MYBPC2: variants seen among roughly 807,000 people sequenced by gnomAD.
The protein encoded by MYBPC2 is myosin binding protein C2, also known as myosin-binding protein C, fast-type.
A neutral mutation model predicts 137.0 loss-of-function variants in MYBPC2; 122 were observed. The ratio of observed to expected loss-of-function variants is 0.89; its 90% CI spans 0.77 to 1.03. The LOEUF is 1.03. Among genes scored for constraint, MYBPC2 ranks in the 50% least tolerant of loss-of-function variants. The pLI, the probability that MYBPC2 is intolerant of heterozygous loss-of-function variation, is 0.00. For missense variants in MYBPC2, 1,500 were observed against 1,534.4 expected, an observed-to-expected ratio of 0.98 and a Z score of 0.37; for synonymous variants, 626 against 612.3, an observed-to-expected ratio of 1.02 and a Z score of -0.33.
At chr19:50,459,829 A>G (rs1189676369) in intron 23 of MYBPC2, among the ~76,000 whole-genome samples, 1 of 136,736 alleles carries the variant, frequency 7.3e-6, no homozygotes, top group Non-Finnish European at 1.6e-5. Context: ...GTGGGGAGAC[A>G]TGGGGGTGAG....
rs780410925 is a variant in MYBPC2 at position 50,436,631 on chromosome 19, G to A, written c.360G>A (p.Glu120=). The change falls in exon 5 of 28, where the codon GAG becomes GAA. Residue 120 remains glutamate (E), a synonymous_variant. Coordinates refer to ENST00000357701, the MANE Select transcript of MYBPC2 (RefSeq NM_004533.4). ...HNSASNVYTV[E]LHIGKVVLGD... ...CCTGGACCCAGGTGTACACCGTGGA[G>A]CTGCACATTGGGAAGGTGGTACTGG... 21 of 1,613,950 alleles carry A rather than the reference G, an allele frequency of 1.3e-5. No individual in the cohort carries two copies. In the Admixed American group the frequency reaches 2.8e-4, roughly 22 times the overall value.
chr19:50,442,112 T>C, intron 8 of MYBPC2, 69 bp from the exon 9 acceptor site: 1 of 1,519,794 alleles, frequency 6.6e-7, no homozygotes, highest in South Asian at 1.3e-5. Flanking sequence ...GGAGATGTGG[T>C]GCCTCTGGGG....
chr19:50,460,170 A>G lies in MYBPC2; in HGVS notation c.2922A>G (p.Lys974=), dbSNP rs1348161170. The G allele has an allele frequency of 6.2e-7, 1 of 1,603,714 alleles. No homozygotes were observed. Among genetic ancestry groups the G allele is most frequent in the Admixed American group, 1.7e-5 (1 of 58,450 alleles). Residue 974 remains lysine (K), a synonymous_variant, in exon 24 of 28, where the codon AAA becomes AAG. Coordinates refer to ENST00000357701, the MANE Select transcript of MYBPC2 (RefSeq NM_004533.4). The part of the protein sequence containing the change: ...IMGYFVQKAD[K]KTMEWFNVYE... ...GGTATTTCGTCCAGAAAGCAGACAAAAAAACCATGGTGAGAGAGCAGAGGG... is the reference window on the plus strand; with the variant it reads ...GGTATTTCGTCCAGAAAGCAGACAAGAAAACCATGGTGAGAGAGCAGAGGG...
rs1408747231 is a variant in MYBPC2, at chr19:50,461,530, T to C, written c.2932-12T>C. Reference sequence around the variant, plus strand: ...CCCCGACCCGCCTGGTCCCTCCCTGTCCCCACACTAGGAGTGGTTCAACGT... The same window carrying C: ...CCCCGACCCGCCTGGTCCCTCCCTGCCCCCACACTAGGAGTGGTTCAACGT... On this transcript the variant is annotated splice_polypyrimidine_tract_variant and intron_variant, in intron 24 of 27. Transcript: ENST00000357701. The C allele has an allele frequency of 6.2e-7, 1 of 1,612,248 alleles. No homozygotes were observed. The highest frequency in any genetic ancestry group is 1.7e-5 in the Admixed American group (1 of 59,840).
At chr19:50,464,093 G>A (rs1010380229) in intron 26 of MYBPC2, 3 of 407,480 alleles carry the variant, frequency 7.4e-6, no homozygotes, top group Non-Finnish European at 1.3e-5. Flanking sequence ...GTGGGACCCT[G>A]TGGGCCACTA....
At chr19:50,455,371 G>C (rs2122607600) in intron 19 of MYBPC2, 75 bp downstream of exon 19, 1 of 1,565,848 alleles carries the variant, frequency 6.4e-7, no homozygotes, top group Middle Eastern at 1.7e-4. Context: ...TCCACCTCTG[G>C]CCCATCTTTT....
rs2039978295 is a variant in MYBPC2 at position 50,462,124 on chromosome 19, C to T, written c.3228+88C>T. The T allele has an allele frequency of 3.5e-6, 5 of 1,448,312 alleles. No homozygotes were observed. In the South Asian group the frequency reaches 5.7e-5, roughly 17 times the overall value. The allele number at this position is 1,448,312 out of a possible 1,614,324, so 89.7% of individuals were successfully genotyped here. ...AAGCCCACTCCCCATCACGCCAGTT[C>T]TTCTTCCCCGAGTTCTCTGTCTCAA... On this transcript the variant is annotated intron_variant, in intron 26 of 27. Coordinates refer to ENST00000357701, the MANE Select transcript of MYBPC2 (RefSeq NM_004533.4).
At chr19:50,441,610 T>C (rs2039756120) in intron 8 of MYBPC2, among the ~76,000 whole-genome samples, 1 of 151,862 alleles carries the variant, frequency 6.6e-6, no homozygotes. Context: ...GAGGCTGAGG[T>C]GCGCAGATCA....
In MYBPC2 at chr19:50,464,486, C is replaced by T. The variant is rs2039997575; in HGVS notation, c.3369C>T (p.Val1123=). The T allele has an allele frequency of 1.2e-6, 2 of 1,612,902 alleles. No homozygotes were observed. The highest frequency in any genetic ancestry group is 2.7e-5 in the African/African-American group (2 of 74,924). Residue 1123 remains valine, a synonymous_variant, in exon 27 of 28, where the codon GTC becomes GTT. Coordinates refer to ENST00000357701, the MANE Select transcript of MYBPC2 (RefSeq NM_004533.4). ...CTGGGACTTACACCTGCCGGGCCGT[C>T]AACGAGCTGGGCGAGGCGCTGGCTG... is the stretch of plus-strand genomic sequence containing the variant. The part of the protein sequence containing the change: ...FDAGTYTCRA[V]NELGEALAEC...
At position 50,458,346 on chromosome 19, in the gene MYBPC2, A is replaced by G. The variant is rs1455076921; in HGVS notation, c.2339-241A>G. Among the ~76,000 whole-genome samples the G allele has an allele frequency of 2.7e-5, 4 of 150,112 alleles. 1 individual carries two copies. In the East Asian group the frequency reaches 7.9e-4, roughly 30 times the overall value. On this transcript the variant is annotated intron_variant, in intron 20 of 27. Coordinates refer to ENST00000357701, the MANE Select transcript of MYBPC2 (RefSeq NM_004533.4). ...AAAAGAATTCGTCCCACTGCACTCCAGCCTGGGCGACAGGGCGAGACTCCG... is the reference window on the plus strand; with the variant it reads ...AAAAGAATTCGTCCCACTGCACTCCGGCCTGGGCGACAGGGCGAGACTCCG...
rs1409718833 is a variant in MYBPC2, at chr19:50,465,868, A to G, written c.3416-327A>G. Among the ~76,000 whole-genome samples the G allele has an allele frequency of 6.6e-6, 1 of 152,136 alleles. No individual in the cohort carries two copies. Among genetic ancestry groups the G allele is most frequent in the Non-Finnish European group, 1.5e-5 (1 of 68,010 alleles). On this transcript the variant is annotated intron_variant, in intron 27 of 27. Transcript: ENST00000357701. This position sits in a 1 kb window ranked among gnomAD's most constrained non-coding sequence, Gnocchi z 4.5. ...CTCAAAAACCAAACAAAAACACCCC[A>G]GATCACTGCCCTTCCAAGCCCACCC... is the stretch of plus-strand genomic sequence containing the variant.
chr19:50,459,256 T>C lies in MYBPC2; in HGVS notation c.2741T>C (p.Val914Ala). 1 of 1,609,886 alleles carries C rather than the reference T, an allele frequency of 6.2e-7. No individual in the cohort carries two copies. The highest frequency in any genetic ancestry group is 1.6e-4 in the Middle Eastern group (1 of 6,062). The part of the protein sequence containing the change: ...RSDSGEYELS[V>A]QIENMKDTAT... ...GACTCCGGGGAGTACGAGCTGAGCG[T>C]GCAGATCGAGAACATGAAGGACACC... is the stretch of plus-strand genomic sequence containing the variant. The change falls in exon 23 of 28, where the codon GTG becomes GCG. Residue 914 changes from valine to alanine, a missense_variant. Coordinates refer to ENST00000357701, the MANE Select transcript of MYBPC2 (RefSeq NM_004533.4).
intron 7 of MYBPC2, 142 bp from the exon 8 acceptor site, chr19:50,440,738 G>A (rs35868927): frequency 0.23 from 175,477 of 766,020 alleles, 21,047 homozygotes; most frequent in South Asian, 0.24. Flanking sequence ...GGAGGCTGGG[G>A]CAATGGACCA....
rs74899038 is a variant in MYBPC2, at chr19:50,438,272, G to A, written c.572+554G>A. Among the ~76,000 whole-genome samples, 5 of 152,298 alleles carry A rather than the reference G, an allele frequency of 3.3e-5. No homozygotes were observed. The East Asian group carries it at 7.7e-4, about 24-fold the overall frequency. On this transcript the variant is annotated intron_variant, in intron 7 of 27. Coordinates refer to ENST00000357701, the MANE Select transcript of MYBPC2 (RefSeq NM_004533.4). ...GCCATTACAGTCAGCCTAGCTACAT[G>A]GGTAGGTGGATGGATAACGGGTGAA...
intron 12 of MYBPC2, among the ~76,000 whole-genome samples, chr19:50,447,305 G>T (rs1402030348): frequency 6.6e-6 from 1 of 152,082 alleles, no homozygotes; most frequent in Non-Finnish European, 1.5e-5. Flanking sequence ...GAGCACACGG[G>T]ACTCTATGTG....
chr19:50,460,901 G>A (rs2039965647), intron 24 of MYBPC2, among the ~76,000 whole-genome samples: 1 of 152,082 alleles, frequency 6.6e-6, no homozygotes, highest in Non-Finnish European at 1.5e-5. Flanking sequence ...ATGTTGTCCA[G>A]GCTGGTCTCG....
At chr19:50,450,978 A>G in intron 14 of MYBPC2, 43 bp downstream of exon 14, 1 of 1,511,928 alleles carries the variant, frequency 6.6e-7, no homozygotes, top group Admixed American at 2.0e-5. Flanking sequence ...TGTAGGATCC[A>G]CCCTCGCAGA....
intron 16 of MYBPC2, among the ~76,000 whole-genome samples, chr19:50,452,456 C>A (rs62116064): frequency 6.7e-6 from 1 of 148,768 alleles, no homozygotes; most frequent in African/African-American, 2.5e-5. Flanking sequence ...GTCTATCTAT[C>A]TATGTATCTG....
At chr19:50,460,906 G>C (rs1433543179) in intron 24 of MYBPC2, among the ~76,000 whole-genome samples, 4 of 152,050 alleles carry the variant, frequency 2.6e-5, no homozygotes, top group African/African-American at 9.7e-5. Context: ...GTCCAGGCTG[G>C]TCTCGAACTC....
Sources: allele counts gnomAD v4.1 joint callset (sites outside exome capture counted in the v4.1 genomes callset), GRCh38; gene constraint gnomAD v4.1.1; non-coding constraint Gnocchi (gnomAD v3.1); transcripts MANE v1.5; gene names NCBI Gene and HGNC (gene_info 2026-07-23, HGNC 2026-07-21).